UNC45B: variants seen among roughly 807,000 people sequenced by gnomAD.
The protein encoded by UNC45B is protein unc-45 homolog B.
UNC45B carries 78 observed loss-of-function variants against 98.7 expected under a neutral mutation model. The observed-to-expected ratio is 0.79, with a 90% CI of 0.66 to 0.95. UNC45B has a LOEUF of 0.95. Ranked by LOEUF, UNC45B falls within the 40% of genes least tolerant of loss-of-function variation. UNC45B has a pLI of 0.00. For missense variants in UNC45B, 1,225 were observed against 1,184.9 expected, an observed-to-expected ratio of 1.03 and a Z score of -0.50; for synonymous variants, 462 against 480.4, an observed-to-expected ratio of 0.96 and a Z score of 0.50.
At chr17:35,180,276 G>C (rs1448778612) in intron 17 of UNC45B, among the ~76,000 whole-genome samples, 2 of 152,070 alleles carry the variant, frequency 1.3e-5, no homozygotes, top group Admixed American at 1.3e-4. Flanking sequence ...GAGAGAGAGA[G>C]AGAGAGAGAG....
intron 13 of UNC45B, among the ~76,000 whole-genome samples, chr17:35,172,942 T>C (rs1220327424): frequency 1.3e-5 from 2 of 152,138 alleles, no homozygotes; most frequent in African/African-American, 4.8e-5. Context: ...CTCCTCAGGC[T>C]CTGTCTTGGG....
At chr17:35,153,999 A>T (rs1053892842) in intron 5 of UNC45B, among the ~76,000 whole-genome samples, 8 of 152,122 alleles carry the variant, frequency 5.3e-5, no homozygotes, top group African/African-American at 1.9e-4. Context: ...AAATTTACAG[A>T]TGAAGAGTCT....
At chr17:35,155,710 C>T (rs2092056055) in intron 7 of UNC45B, among the ~76,000 whole-genome samples, 1 of 152,150 alleles carries the variant, frequency 6.6e-6, no homozygotes, top group East Asian at 1.9e-4. Flanking sequence ...TCTGGGACTA[C>T]AGGCACACAC....
intron 5 of UNC45B, 56 bp downstream of exon 5, chr17:35,153,038 G>A (rs1386901875): frequency 1.4e-6 from 2 of 1,468,394 alleles, no homozygotes; most frequent in Non-Finnish European, 1.9e-6. Context: ...TCTGGACAGT[G>A]ACATCATTCC....
intron 13 of UNC45B, among the ~76,000 whole-genome samples, chr17:35,171,965 T>A (rs1050668271): frequency 6.6e-6 from 1 of 151,734 alleles, no homozygotes; most frequent in Non-Finnish European, 1.5e-5. Context: ...ATATGCAAGA[T>A]ATTGCCAGCC....
intron 13 of UNC45B, among the ~76,000 whole-genome samples, chr17:35,173,101 G>A (rs959256981): frequency 2.0e-5 from 3 of 150,846 alleles, no homozygotes; most frequent in Admixed American, 6.6e-5. Flanking sequence ...CACACGCACT[G>A]TGGCCTAAAA....
At chr17:35,175,879 AC>A in intron 14 of UNC45B, 88 bp from the exon 15 acceptor site, 1 of 1,267,770 alleles carries the variant, frequency 7.9e-7, no homozygotes, top group Non-Finnish European at 1.1e-6. Context: ...CCAGGGTTTC[AC>A]TGGCTCCGAC....
At position 35,164,163 on chromosome 17, in the gene UNC45B, T is replaced by A; in HGVS notation, c.1148T>A (p.Ile383Asn). ...DHFRKICEEY[I>N]TGKFDPQDMD... ...TTCCGCAAGATCTGTGAGGAATATA[T>A]CACGTAAGTTTCCTGGAGGCCTCAC... Residue 383 changes from isoleucine (I) to asparagine (N), a missense_variant, in exon 9 of 20, where the codon ATC (isoleucine) becomes AAC (asparagine). Transcript: ENST00000394570. The A allele has an allele frequency of 6.2e-7, 1 of 1,607,874 alleles. No individual in the cohort carries two copies. The highest frequency in any genetic ancestry group is 8.5e-7 in the Non-Finnish European group (1 of 1,177,192).
intron 4 of UNC45B, 25 bp downstream of exon 4, chr17:35,150,248 C>T: frequency 6.3e-7 from 1 of 1,589,824 alleles, no homozygotes; most frequent in Non-Finnish European, 8.6e-7. Context: ...TTCCCACAAC[C>T]CTTGGCTGCC....
intron 18 of UNC45B, among the ~76,000 whole-genome samples, chr17:35,182,052 G>C (rs74252018): frequency 0.075 from 11,373 of 151,734 alleles, 539 homozygotes; most frequent in East Asian, 0.14. Flanking sequence ...TTCATTTCTT[G>C]CTCACCATGT....
chr17:35,159,247 T>G, intron 7 of UNC45B, 128 bp from the exon 8 acceptor site: 1 of 930,230 alleles, frequency 1.1e-6, no homozygotes, highest in Non-Finnish European at 1.6e-6. Flanking sequence ...TATACTCCCC[T>G]GGGAATTCAC....
intron 9 of UNC45B, chr17:35,164,411 GGT>G (rs1294509431): frequency 2.8e-6 from 1 of 355,470 alleles, no homozygotes; most frequent in Non-Finnish European, 5.0e-6. Flanking sequence ...CTTCCAAGAT[GGT>G]GGACTCACAC....
At chr17:35,150,798 T>C (rs541792508) in intron 4 of UNC45B, among the ~76,000 whole-genome samples, 1 of 121,160 alleles carries the variant, frequency 8.3e-6, no homozygotes, top group African/African-American at 3.2e-5. Context: ...GGCTTAGAAA[T>C]ATTATTATAA....
Position 35,148,245 on chromosome 17 carries a change from G to A in UNC45B, c.1-19G>A. 1.2e-6 allele frequency: 2 copies of A among 1,613,836 alleles called. No individual in the cohort carries two copies. Among genetic ancestry groups the A allele is most frequent in the Non-Finnish European group, 1.7e-6 (2 of 1,179,870 alleles). On this transcript the variant is annotated intron_variant, in intron 1 of 19. Coordinates refer to ENST00000394570, the MANE Select transcript of UNC45B (RefSeq NM_001267052.2). ...TGCAGTGAGGGGCTGACCAGACAGA[G>A]CTTCTCCTGTCCCAGCAGATGGCAG...
intron 14 of UNC45B, among the ~76,000 whole-genome samples, chr17:35,175,117 GGGAAA>G (rs1385116980): frequency 6.7e-6 from 1 of 148,972 alleles, no homozygotes; most frequent in Non-Finnish European, 1.5e-5. Flanking sequence ...AAGAAAGAAA[GGGAAA>G]GGAAAGGAAG....
At chr17:35,184,736 G>C (rs1384656586) in intron 19 of UNC45B, among the ~76,000 whole-genome samples, 1 of 152,234 alleles carries the variant, frequency 6.6e-6, no homozygotes, top group Non-Finnish European at 1.5e-5. Context: ...GGACCCTTCA[G>C]GATTGCCAAC....
At chr17:35,161,194 A>AT (rs2092100028) in intron 8 of UNC45B, among the ~76,000 whole-genome samples, 1 of 152,186 alleles carries the variant, frequency 6.6e-6, no homozygotes, top group African/African-American at 2.4e-5. Flanking sequence ...AGAGAGCAGT[A>AT]TTTTTTATTC....
At chr17:35,170,677 A>C (rs2092178824) in intron 12 of UNC45B, among the ~76,000 whole-genome samples, 1 of 152,024 alleles carries the variant, frequency 6.6e-6, no homozygotes, top group Non-Finnish European at 1.5e-5. Flanking sequence ...CTCTACAAAA[A>C]ATACAAAAAT....
chr17:35,153,427 C>A (rs1003651287), intron 5 of UNC45B, among the ~76,000 whole-genome samples: 59 of 151,992 alleles, frequency 3.9e-4, no homozygotes, highest in African/African-American at 1.3e-3. Context: ...TGAAAGAAGT[C>A]ATTCTGAAAA....
Sources: gnomAD v4.1 joint callset for allele counts (sites outside exome capture counted in the v4.1 genomes callset) on GRCh38, gnomAD v4.1.1 for gene constraint, MANE v1.5 for transcripts, NCBI Gene and HGNC (gene_info 2026-07-23, HGNC 2026-07-21) for gene names.